SH3RF2: variants seen among roughly 807,000 people sequenced by gnomAD.
SH3RF2 encodes the protein SH3 domain containing ring finger 2.
Under a neutral mutation model 59.0 loss-of-function variants are expected in SH3RF2, and 43 were observed. That is an observed-to-expected ratio of 0.73 (90% CI 0.57 to 0.94). SH3RF2 has a LOEUF of 0.94. Among genes scored for constraint, SH3RF2 ranks in the 40% least tolerant of loss-of-function variants. The probability of loss-of-function intolerance (pLI) is 0.00; values close to 1 mark genes in which losing one functional copy is unlikely to be tolerated. For missense variants in SH3RF2, 930 were observed against 940.1 expected (o/e 0.99, Z 0.14); for synonymous variants, 391 against 391.5 (o/e 1.00, Z 0.01).
chr5:146,013,949 C>T lies in SH3RF2; in HGVS notation c.947C>T (p.Ser316Leu). The T allele has an allele frequency of 3.7e-6, 6 of 1,614,140 alleles. No homozygotes were observed. Among genetic ancestry groups the T allele is most frequent in the Non-Finnish European group, 5.1e-6 (6 of 1,180,022 alleles). The change falls in exon 5 of 10, where the codon TCA (serine) becomes TTA (leucine). Residue 316 changes from serine to leucine, a missense_variant. Transcript: ENST00000359120. ...CTCAACCGGATGGTCCATTCTCCTT[C>T]AGGGCGCCATATGGTAGAGATCAGC... Reference protein sequence around the residue: ...NTLNRMVHSPSGRHMVEISTP... With the variant: ...NTLNRMVHSPLGRHMVEISTP...
chr5:145,982,685 C>A (rs1028034526), intron 2 of SH3RF2, among the ~76,000 whole-genome samples: 4 of 152,138 alleles, frequency 2.6e-5, no homozygotes, highest in African/African-American at 9.7e-5. Context: ...TTTCTGTCCT[C>A]ACAAAGTTTA....
At chr5:145,966,350 C>T (rs573434938) in intron 2 of SH3RF2, among the ~76,000 whole-genome samples, 146 of 152,248 alleles carry the variant, frequency 9.6e-4, no homozygotes, top group Non-Finnish European at 1.5e-3. Flanking sequence ...TCAATTTCTT[C>T]ACTGATGTAG....
intron 9 of SH3RF2, among the ~76,000 whole-genome samples, chr5:146,072,809 T>A (rs1223957930): frequency 6.6e-6 from 1 of 152,206 alleles, no homozygotes; most frequent in Non-Finnish European, 1.5e-5. Context: ...TGGATCCAAA[T>A]ACAGGCCCCG....
intron 2 of SH3RF2, among the ~76,000 whole-genome samples, chr5:145,987,036 G>A (rs565095621): frequency 1.3e-5 from 2 of 152,242 alleles, no homozygotes; most frequent in East Asian, 3.9e-4. Context: ...CAAAGTGGCA[G>A]GAGTTAGGTA....
chr5:145,962,515 G>T (rs1580777910), intron 2 of SH3RF2, among the ~76,000 whole-genome samples: 1 of 152,148 alleles, frequency 6.6e-6, no homozygotes, highest in African/African-American at 2.4e-5. Context: ...ACAGTTATTA[G>T]TGTTGGGCTC....
chr5:145,941,320 G>A lies in SH3RF2; in HGVS notation c.378+3014G>A, dbSNP rs764803946. ...CCAATAGTCACACCTCATGGTGCCA[G>A]CCCATAGAGAGAAAAAAATTGCCTA... On this transcript the variant is annotated intron_variant, in intron 2 of 9. Coordinates refer to ENST00000359120, the MANE Select transcript of SH3RF2 (RefSeq NM_152550.4). Among the ~76,000 whole-genome samples the A allele has an allele frequency of 1.7e-4, 26 of 152,152 alleles. 1 individual carries two copies. Among genetic ancestry groups the A allele is most frequent in the Non-Finnish European group, 2.9e-4 (20 of 68,026 alleles).
rs769893835 is a variant in SH3RF2, at chr5:146,060,152, G to T, written c.1842G>T (p.Leu614=). ...AAATCCCCATCAAGAGTGAGCCTCTGCCAAAACCGCCCGCATCTGCCCCAC... is the reference window on the plus strand; with the variant it reads ...AAATCCCCATCAAGAGTGAGCCTCTTCCAAAACCGCCCGCATCTGCCCCAC... ...DKEIPIKSEP[L]PKPPASAPPS... Residue 614 remains leucine (L), a synonymous_variant, in exon 9 of 10, where the codon CTG becomes CTT. Coordinates refer to ENST00000359120, the MANE Select transcript of SH3RF2 (RefSeq NM_152550.4). 1 of 1,613,970 alleles carries T rather than the reference G, an allele frequency of 6.2e-7. No homozygotes were observed. Among genetic ancestry groups the T allele is most frequent in the Non-Finnish European group, 8.5e-7 (1 of 1,179,994 alleles).
intron 2 of SH3RF2, among the ~76,000 whole-genome samples, chr5:145,959,120 G>A (rs530049283): frequency 1.3e-5 from 2 of 152,234 alleles, no homozygotes; most frequent in East Asian, 3.9e-4. Flanking sequence ...GATGAAAAAG[G>A]CGACCATGGA....
chr5:146,068,250 C>A (rs1232061142), downstream of SH3RF2, among the ~76,000 whole-genome samples: 4 of 152,196 alleles, frequency 2.6e-5, no homozygotes, highest in Non-Finnish European at 5.9e-5. Context: ...CATCCATCCT[C>A]ATCTTCTCAC....
intron 2 of SH3RF2, among the ~76,000 whole-genome samples, chr5:145,963,932 A>C (rs1296543967): frequency 2.0e-5 from 3 of 149,862 alleles, no homozygotes; most frequent in African/African-American, 7.4e-5. Flanking sequence ...TCCCGGATTC[A>C]CGCCATTCTC....
In SH3RF2 at chr5:146,053,269, C is replaced by T. The variant is rs185407993; in HGVS notation, c.1323-2712C>T. 1.3e-4 allele frequency among the ~76,000 whole-genome samples: 20 copies of T among 152,348 alleles called. 1 individual carries two copies. The highest frequency in any genetic ancestry group is 3.3e-4 in the Admixed American group (5 of 15,312). ...CAGCTGTTATTGACCACAACTAAAT[C>T]TCTGCCACCATGTTGCCTCTTCCCA... On this transcript the variant is annotated intron_variant, in intron 7 of 9. Transcript: ENST00000359120.
At chr5:146,006,128 G>A (rs912328540) in intron 4 of SH3RF2, among the ~76,000 whole-genome samples, 9 of 152,174 alleles carry the variant, frequency 5.9e-5, no homozygotes, top group African/African-American at 2.2e-4. Context: ...GTTGAATCAT[G>A]TAAAGACTGA....
At chr5:146,021,979 C>T (rs1761337894) in intron 5 of SH3RF2, among the ~76,000 whole-genome samples, 1 of 152,194 alleles carries the variant, frequency 6.6e-6, no homozygotes, top group South Asian at 2.1e-4. Flanking sequence ...TATTTTAAAA[C>T]TTTTTAGCAG....
chr5:146,079,555 A>C (rs2150030952), exon 10 of SH3RF2: 1 of 152,324 alleles, frequency 6.6e-6, no homozygotes, highest in Admixed American at 6.5e-5. Flanking sequence ...TTACTGAGGA[A>C]GCATCCTCAG....
In SH3RF2 at chr5:145,940,428, C is replaced by CT. The variant is rs534485067; in HGVS notation, c.378+2128dup. On this transcript the variant is annotated intron_variant, in intron 2 of 9. Coordinates refer to ENST00000359120, the MANE Select transcript of SH3RF2 (RefSeq NM_152550.4). Reference sequence around the variant, plus strand: ...CTCTGCTCCCAAAAATATTACCTATCTTTTTTGCAACCATGAAAGCAACCA... The same window carrying CT: ...CTCTGCTCCCAAAAATATTACCTATCTTTTTTTGCAACCATGAAAGCAACCA... Among the ~76,000 whole-genome samples the CT allele has an allele frequency of 3.6e-4, 55 of 152,276 alleles. 1 individual carries two copies. In the South Asian group the frequency reaches 9.7e-3, roughly 27 times the overall value.
At chr5:145,965,434 T>G (rs1252580017) in intron 2 of SH3RF2, among the ~76,000 whole-genome samples, 1 of 152,132 alleles carries the variant, frequency 6.6e-6, no homozygotes, top group Non-Finnish European at 1.5e-5. Context: ...CCTAAATCTG[T>G]TCGGAGCCAT....
At chr5:146,032,905 G>C (rs1370069158) in intron 5 of SH3RF2, among the ~76,000 whole-genome samples, 2 of 152,142 alleles carry the variant, frequency 1.3e-5, no homozygotes, top group African/African-American at 4.8e-5. Flanking sequence ...CTGCCCTCTA[G>C]AACCTTCCAG....
At chr5:146,010,803 C>G (rs967510099) in intron 4 of SH3RF2, among the ~76,000 whole-genome samples, 2 of 152,106 alleles carry the variant, frequency 1.3e-5, no homozygotes, top group Non-Finnish European at 2.9e-5. Flanking sequence ...GAGTAGATTG[C>G]AAAAATTTTC....
At chr5:146,061,416 C>G (rs1273424658) in intron 9 of SH3RF2, among the ~76,000 whole-genome samples, 1 of 152,098 alleles carries the variant, frequency 6.6e-6, no homozygotes, top group South Asian at 2.1e-4. Flanking sequence ...AGAAATAATT[C>G]AGAGTTTTCT....
Sources: allele counts gnomAD v4.1 joint callset (sites outside exome capture counted in the v4.1 genomes callset), GRCh38; gene constraint gnomAD v4.1.1; transcripts MANE v1.5; gene names NCBI Gene and HGNC (gene_info 2026-07-23, HGNC 2026-07-21).